Variants in ZC3HAV1L observed in about 807,000 individuals in gnomAD.
ZC3HAV1L encodes the protein ZC3HAV1 like.
Under a neutral mutation model 28.2 loss-of-function variants are expected in ZC3HAV1L, and 23 were observed. The observed-to-expected ratio is 0.82, with a 90% CI of 0.59 to 1.16. The LOEUF (loss-of-function observed/expected upper bound fraction) is 1.16. Among genes scored for constraint, ZC3HAV1L ranks in the 50% most tolerant of loss-of-function variants. The pLI is 0.00. For synonymous variants in ZC3HAV1L, 180 were observed against 163.4 expected, an observed-to-expected ratio of 1.10 and a Z score of -0.78; for missense variants, 376 against 387.7, an observed-to-expected ratio of 0.97 and a Z score of 0.25.
intron 2 of ZC3HAV1L, among the ~76,000 whole-genome samples, chr7:139,033,106 G>T (rs1411996800): frequency 6.6e-6 from 1 of 151,966 alleles, no homozygotes; most frequent in Non-Finnish European, 1.5e-5. Context: ...CTATTCAGGA[G>T]ACTGAGGTGG....
At position 139,034,545 on chromosome 7, in the gene ZC3HAV1L, C is replaced by T. The variant is rs778617763; in HGVS notation, c.499G>A (p.Glu167Lys). Residue 167 changes from glutamate (E) to lysine (K), a missense_variant and splice_region_variant, in exon 2 of 5, where the codon GAG becomes AAG. Transcript: ENST00000275766. ...LLQNDPCLLP[E>K]VCLLYNKGEA... ...AGGGTGACTCCTTGGTGACTCACCT[C>T]TGGTAAAAGACAGGGGTCATTCTGC... 1 of 1,614,092 alleles carries T rather than the reference C, an allele frequency of 6.2e-7. No individual in the cohort carries two copies. Among genetic ancestry groups the T allele is most frequent in the Non-Finnish European group, 8.5e-7 (1 of 1,179,964 alleles).
In ZC3HAV1L at chr7:139,028,919, G is replaced by A; in HGVS notation, c.543C>T (p.Tyr181=). ...LYNKGEALYG[Y]CNLKDKCNKF... ...TGTTGCATTTATCCTTGAGGTTGCA[G>A]TAGCCATACAGGGCTTCCCCTTTGT... is the stretch of plus-strand genomic sequence containing the variant. Residue 181 remains tyrosine, a synonymous_variant, in exon 3 of 5, where the codon TAC becomes TAT. Coordinates refer to ENST00000275766, the MANE Select transcript of ZC3HAV1L (RefSeq NM_080660.4). 1.9e-6 allele frequency: 3 copies of A among 1,614,164 alleles called. No homozygotes were observed. Among genetic ancestry groups the A allele is most frequent in the East Asian group, 2.2e-5 (1 of 44,888 alleles).
At chr7:139,032,631 A>G (rs866807199) in intron 2 of ZC3HAV1L, among the ~76,000 whole-genome samples, 3 of 151,492 alleles carry the variant, frequency 2.0e-5, no homozygotes, top group Non-Finnish European at 4.4e-5. Context: ...TCAAAAAAAA[A>G]GAAATAAATA....
At chr7:139,034,106 C>T (rs781322672) in intron 2 of ZC3HAV1L, 98 of 985,356 alleles carry the variant, frequency 9.9e-5, no homozygotes, top group Non-Finnish European at 1.1e-4. Context: ...GCTCCTACCT[C>T]TAGTCTTGTG....
At position 139,026,367 on chromosome 7, in the gene ZC3HAV1L, G is replaced by T; in HGVS notation, c.*177C>A. The T allele has an allele frequency of 1.1e-6, 1 of 937,800 alleles. No individual in the cohort carries two copies. The highest frequency in any genetic ancestry group is 1.5e-6 in the Non-Finnish European group (1 of 652,284). 58.1% of individuals were successfully genotyped at this position (937,800 alleles called of 1,614,324 possible). A position where few individuals can be genotyped will look rare whatever the true frequency, so the allele number is the denominator to read the frequency against. On this transcript the variant is annotated 3_prime_UTR_variant, in exon 5 of 5. Coordinates refer to ENST00000275766, the MANE Select transcript of ZC3HAV1L (RefSeq NM_080660.4). The stretch of plus-strand genomic sequence containing the variant: ...CAGCAGAGCTCCATCTACCCAGCCT[G>T]AGGAAAGCACCTAGGAGCTGCAGAT...
Position 139,028,968 on chromosome 7 carries a change from A to T in ZC3HAV1L, c.502-8T>A. 1 of 1,605,102 alleles carries T rather than the reference A, an allele frequency of 6.2e-7. No individual in the cohort carries two copies. The highest frequency in any genetic ancestry group is 8.5e-7 in the Non-Finnish European group (1 of 1,174,780). On this transcript the variant is annotated splice_polypyrimidine_tract_variant and splice_region_variant and intron_variant, in intron 2 of 4. Transcript: ENST00000275766. The stretch of plus-strand genomic sequence containing the variant: ...GTTGTAGAGCAAACAGACCTGGTAC[A>T]GAAATGAGGGAACACCTGAAATATT...
intron 4 of ZC3HAV1L, 43 bp downstream of exon 4, chr7:139,026,665 G>A: frequency 5.0e-6 from 8 of 1,612,532 alleles, no homozygotes; most frequent in Non-Finnish European, 6.8e-6. Context: ...CTTCCAAGCT[G>A]GACAAGCTTC....
At position 139,026,529 on chromosome 7, in the gene ZC3HAV1L, C is replaced by A. The variant is rs1815356161; in HGVS notation, c.*15G>T. 1.2e-6 allele frequency: 2 copies of A among 1,613,862 alleles called. No homozygotes were observed. Among genetic ancestry groups the A allele is most frequent in the South Asian group, 1.1e-5 (1 of 91,050 alleles). On this transcript the variant is annotated 3_prime_UTR_variant, in exon 5 of 5. Transcript: ENST00000275766. ...GTATTCTTCCAAAAGGACATTTTCT[C>A]CTTTTCCATCTTCTTTACTTCTCGC...
At chr7:139,029,269 G>T (rs763243228) in intron 2 of ZC3HAV1L, among the ~76,000 whole-genome samples, 1 of 152,180 alleles carries the variant, frequency 6.6e-6, no homozygotes, top group Non-Finnish European at 1.5e-5. Context: ...TCTCAAAAGT[G>T]CTGGGATTAC....
Position 139,028,969 on chromosome 7 carries a change from G to C in ZC3HAV1L, c.502-9C>G, listed in dbSNP as rs11767739. 787,205 of 1,604,612 alleles carry C rather than the reference G, an allele frequency of 0.49. 197,617 individuals carry two copies. Among genetic ancestry groups the C allele is most frequent in the Non-Finnish European group, 0.52 (607,625 of 1,173,892 alleles). ...TTGTAGAGCAAACAGACCTGGTACAGAAATGAGGGAACACCTGAAATATTA... is the reference window on the plus strand; with the variant it reads ...TTGTAGAGCAAACAGACCTGGTACACAAATGAGGGAACACCTGAAATATTA... On this transcript the variant is annotated splice_polypyrimidine_tract_variant and intron_variant, in intron 2 of 4. Transcript: ENST00000275766.
chr7:139,028,989 A>G (rs748078356), intron 2 of ZC3HAV1L, 29 bp from the exon 3 acceptor site: 5 of 1,593,656 alleles, frequency 3.1e-6, no homozygotes, highest in Admixed American at 3.5e-5. Context: ...AACACCTGAA[A>G]TATTAGTTTT....
downstream of ZC3HAV1L, among the ~76,000 whole-genome samples, chr7:139,025,506 G>C (rs930819125): frequency 2.0e-5 from 3 of 150,526 alleles, no homozygotes; most frequent in South Asian, 6.3e-4. Context: ...AGAACCCAAA[G>C]GTTATATACT....
In ZC3HAV1L at chr7:139,034,554, G is replaced by A. The variant is rs1200259448; in HGVS notation, c.490C>T (p.Leu164Phe). 2 of 1,614,168 alleles carry A rather than the reference G, an allele frequency of 1.2e-6. No homozygotes were observed. The highest frequency in any genetic ancestry group is 1.7e-6 in the Non-Finnish European group (2 of 1,180,024). ...RILLLQNDPCLLPEVCLLYNK... is the reference protein window; with the variant it reads ...RILLLQNDPCFLPEVCLLYNK... ...CCTTGGTGACTCACCTCTGGTAAAAGACAGGGGTCATTCTGCAAAAGCAGG... is the reference window on the plus strand; with the variant it reads ...CCTTGGTGACTCACCTCTGGTAAAAAACAGGGGTCATTCTGCAAAAGCAGG... The change falls in exon 2 of 5, where the codon CTT (leucine) becomes TTT (phenylalanine). Residue 164 changes from leucine to phenylalanine, a missense_variant. Leu to Phe is a conservative substitution (Grantham distance 22). Coordinates refer to ENST00000275766, the MANE Select transcript of ZC3HAV1L (RefSeq NM_080660.4).
downstream of ZC3HAV1L, among the ~76,000 whole-genome samples, chr7:139,021,764 A>G (rs1036304559): frequency 1.3e-5 from 2 of 152,108 alleles, no homozygotes; most frequent in African/African-American, 4.8e-5. Context: ...TATCCTAACA[A>G]AGAACATTTG....
chr7:139,034,912 C>G (rs1055404485), intron 1 of ZC3HAV1L: 25 of 985,286 alleles, frequency 2.5e-5, no homozygotes, highest in Non-Finnish European at 3.0e-5. Flanking sequence ...AGCCAAGGGT[C>G]GCCCACCTCG....
At chr7:139,033,114 T>C (rs969177994) in intron 2 of ZC3HAV1L, among the ~76,000 whole-genome samples, 2 of 151,528 alleles carry the variant, frequency 1.3e-5, no homozygotes. Flanking sequence ...GAGACTGAGG[T>C]GGGAGAATCA....
At chr7:139,032,055 G>C (rs1482251849) in intron 2 of ZC3HAV1L, among the ~76,000 whole-genome samples, 1 of 151,914 alleles carries the variant, frequency 6.6e-6, no homozygotes, top group Non-Finnish European at 1.5e-5. Context: ...GCAAAACCCT[G>C]TCTCTGCACT....
downstream of ZC3HAV1L, among the ~76,000 whole-genome samples, chr7:139,023,182 G>GGAAA (rs1815280485): frequency 9.7e-6 from 1 of 103,120 alleles, no homozygotes; most frequent in Non-Finnish European, 1.8e-5. Flanking sequence ...AAGGAAAAAA[G>GGAAA]AAAAAAAAAA....
chr7:139,035,400 G>GCGGGCGGGGGCAGCAACTT, intron 1 of ZC3HAV1L: 1 of 984,608 alleles, frequency 1.0e-6, no homozygotes, highest in Non-Finnish European at 1.2e-6. Flanking sequence ...ATCCGGGGGG[G>GCGGGCGGGGGCAGCAACTT]CGGGCGGGGG....
Sources: gnomAD v4.1 joint callset for allele counts (sites outside exome capture counted in the v4.1 genomes callset) on GRCh38, gnomAD v4.1.1 for gene constraint, MANE v1.5 for transcripts, NCBI Gene and HGNC (gene_info 2026-07-23, HGNC 2026-07-21) for gene names.